TMEM178A: variants seen among roughly 807,000 people sequenced by gnomAD.
The protein encoded by TMEM178A is transmembrane protein 178A, also known as transmembrane protein 178.
TMEM178A carries 12 observed loss-of-function variants against 29.1 expected under a neutral mutation model. That is an observed-to-expected ratio of 0.41 (90% CI 0.26 to 0.67). The LOEUF (loss-of-function observed/expected upper bound fraction) is 0.67. TMEM178A is among the 30% of genes least tolerant of loss of function. TMEM178A has a pLI of 0.29. For synonymous variants in TMEM178A, 210 were observed against 187.2 expected, an observed-to-expected ratio of 1.12 and a Z score of -0.99; for missense variants, 366 against 419.1, an observed-to-expected ratio of 0.87 and a Z score of 1.11.
At chr2:39,706,304 C>G (rs1672032016) in intron 2 of TMEM178A, among the ~76,000 whole-genome samples, 1 of 152,152 alleles carries the variant, frequency 6.6e-6, no homozygotes, top group African/African-American at 2.4e-5. Flanking sequence ...ACTAGTACTT[C>G]CTTCACCTGG....
At chr2:39,717,968 G>C (rs368976995), downstream of TMEM178A, 23 of 152,432 alleles carry the variant, frequency 1.5e-4, no homozygotes, top group African/African-American at 5.1e-4. Context: ...TGTTAATCTG[G>C]GTGTGTTTTC....
In TMEM178A at chr2:39,716,221, AG is replaced by A. The variant is rs1412533505; in HGVS notation, c.653-788del. Among the ~76,000 whole-genome samples the A allele has an allele frequency of 2.0e-5, 3 of 152,352 alleles. No individual in the cohort carries two copies. The South Asian group carries it at 6.2e-4, about 32-fold the overall frequency. On this transcript the variant is annotated intron_variant, in intron 3 of 3. Coordinates refer to ENST00000281961, the MANE Select transcript of TMEM178A (RefSeq NM_152390.3). ...TGAGGGTCCATTGCGGTGGAATAGA[AG>A]CACCTATATCCACATGAATTGAGTA...
intron 3 of TMEM178A, among the ~76,000 whole-genome samples, chr2:39,714,143 TCTTA>T (rs1032033032): frequency 1.1e-4 from 17 of 152,300 alleles, no homozygotes; most frequent in Non-Finnish European, 2.1e-4. Context: ...CCTGCTTTCC[TCTTA>T]CTTACTAAGA....
chr2:39,700,580 G>A (rs1671738619), intron 1 of TMEM178A, among the ~76,000 whole-genome samples: 5 of 151,868 alleles, frequency 3.3e-5, no homozygotes. Context: ...TGTGTCTCAT[G>A]TAGACATCAT....
chr2:39,685,856 C>G (rs979910854), intron 1 of TMEM178A, among the ~76,000 whole-genome samples: 1 of 152,182 alleles, frequency 6.6e-6, no homozygotes, highest in Non-Finnish European at 1.5e-5. Context: ...GAAGAACATG[C>G]CAGGCCATCT....
the TMEM178A span, among the ~76,000 whole-genome samples, chr2:39,729,570 T>G: frequency 6.6e-6 from 1 of 152,322 alleles, no homozygotes; most frequent in East Asian, 1.9e-4. Flanking sequence ...AATATTCGCA[T>G]GTAAAATATG....
At chr2:39,707,253 G>A (rs1672075455) in intron 3 of TMEM178A, 67 bp downstream of exon 3, 1 of 1,498,592 alleles carries the variant, frequency 6.7e-7, no homozygotes, top group Non-Finnish European at 8.9e-7. Flanking sequence ...CGGCTAGCTA[G>A]TGTCGCTTTG....
the TMEM178A span, among the ~76,000 whole-genome samples, chr2:39,733,212 T>G: frequency 6.6e-6 from 1 of 152,202 alleles, no homozygotes. Context: ...CAGCATCTGC[T>G]CCCACTTATA....
chr2:39,718,492 C>T (rs1672631297), downstream of TMEM178A, among the ~76,000 whole-genome samples: 1 of 152,168 alleles, frequency 6.6e-6, no homozygotes, highest in South Asian at 2.1e-4. Context: ...GATTGAGAGC[C>T]ACTCATTTGG....
chr2:39,723,882 C>G, the TMEM178A span, among the ~76,000 whole-genome samples: 1 of 152,222 alleles, frequency 6.6e-6, no homozygotes, highest in Admixed American at 6.5e-5. Context: ...CTACTGTCAA[C>G]ATGTTATACA....
At chr2:39,685,969 C>T (rs1442023994) in intron 1 of TMEM178A, among the ~76,000 whole-genome samples, 4 of 152,212 alleles carry the variant, frequency 2.6e-5, no homozygotes, top group African/African-American at 9.7e-5. Context: ...ACCAGCCAGG[C>T]TGTGAAGTGG....
chr2:39,679,214 GT>G (rs1670763472), intron 1 of TMEM178A, among the ~76,000 whole-genome samples: 1 of 152,158 alleles, frequency 6.6e-6, no homozygotes, highest in Admixed American at 6.5e-5. Flanking sequence ...CCATAGAATG[GT>G]TGTTGAAATT....
chr2:39,695,126 C>A (rs1171809218), intron 1 of TMEM178A, among the ~76,000 whole-genome samples: 1 of 152,152 alleles, frequency 6.6e-6, no homozygotes, highest in Non-Finnish European at 1.5e-5. Context: ...TGGCTGCTAC[C>A]CTGTCCTATG....
At chr2:39,712,775 C>A (rs1303898136) in intron 3 of TMEM178A, among the ~76,000 whole-genome samples, 1 of 152,070 alleles carries the variant, frequency 6.6e-6, no homozygotes, top group Admixed American at 6.6e-5. Context: ...GGAGAGGCCA[C>A]CTTTCTCCCC....
chr2:39,674,054 G>C (rs562985882), intron 1 of TMEM178A, among the ~76,000 whole-genome samples: 1 of 152,096 alleles, frequency 6.6e-6, no homozygotes, highest in Non-Finnish European at 1.5e-5. Context: ...AAAGCTGCTT[G>C]TAGGAAAACT....
chr2:39,690,696 CTT>C (rs1671275293), intron 1 of TMEM178A, among the ~76,000 whole-genome samples: 1 of 152,144 alleles, frequency 6.6e-6, no homozygotes, highest in South Asian at 2.1e-4. Context: ...ATCAAGGAAA[CTT>C]AACACTACTA....
At position 39,717,128 on chromosome 2, in the gene TMEM178A, C is replaced by T. The variant is rs750805751; in HGVS notation, c.771C>T (p.Ser257=). Reference sequence around the variant, plus strand: ...ATGTGGAACATGGTTACAGCTGGTCCATCTTTTGCGCCTGGTGCAGTTTAG... The same window carrying T: ...ATGTGGAACATGGTTACAGCTGGTCTATCTTTTGCGCCTGGTGCAGTTTAG... ...PADVEHGYSW[S]IFCAWCSLGF... Residue 257 remains serine (S), a synonymous_variant, in exon 4 of 4, where the codon TCC becomes TCT. Transcript: ENST00000281961. The T allele has an allele frequency of 1.4e-5, 22 of 1,612,692 alleles. No individual in the cohort carries two copies. The South Asian group carries it at 1.9e-4, about 14-fold the overall frequency.
At chr2:39,707,002 CTT>C in intron 2 of TMEM178A, 45 bp from the exon 3 acceptor site, 1 of 1,559,762 alleles carries the variant, frequency 6.4e-7, no homozygotes, top group Non-Finnish European at 8.6e-7. Context: ...TTCTTAATGA[CTT>C]TCCTGAATTC....
intron 3 of TMEM178A, among the ~76,000 whole-genome samples, chr2:39,707,585 C>A (rs1672093464): frequency 1.3e-5 from 2 of 152,192 alleles, no homozygotes; most frequent in Non-Finnish European, 2.9e-5. Context: ...GATTCTCCTG[C>A]CTCAGCCTCC....
Sources: gnomAD v4.1 joint callset for allele counts (sites outside exome capture counted in the v4.1 genomes callset) on GRCh38, gnomAD v4.1.1 for gene constraint, MANE v1.5 for transcripts, NCBI Gene and HGNC (gene_info 2026-07-23, HGNC 2026-07-21) for gene names.